FGF12: variants seen among roughly 807,000 people sequenced by gnomAD.
FGF12 encodes fibroblast growth factor 12B.
Under a neutral mutation model 23.6 loss-of-function variants are expected in FGF12, and 14 were observed. That is an observed-to-expected ratio of 0.59 (90% CI 0.39 to 0.93). The LOEUF (loss-of-function observed/expected upper bound fraction) is 0.93. Ranked by LOEUF, FGF12 falls within the 40% of genes least tolerant of loss-of-function variation. The probability of loss-of-function intolerance (pLI) is 0.00; values close to 1 mark genes in which losing one functional copy is unlikely to be tolerated. For synonymous variants in FGF12, 62 were observed against 77.3 expected (o/e 0.80, Z 1.04); for missense variants, 175 against 217.8 (o/e 0.80, Z 1.24).
At chr3:192,488,145 A>G (rs1723692870) in intron 2 of FGF12, among the ~76,000 whole-genome samples, 1 of 152,142 alleles carries the variant, frequency 6.6e-6, no homozygotes, top group South Asian at 2.1e-4. Context: ...TAAGCTATTT[A>G]TATTATGAAT....
chr3:192,431,466 T>G (rs1308149155), intron 2 of FGF12, among the ~76,000 whole-genome samples: 1 of 152,216 alleles, frequency 6.6e-6, no homozygotes, highest in Non-Finnish European at 1.5e-5. Context: ...TTCTTGTATT[T>G]CTATTGCCAA....
At chr3:192,269,349 C>G (rs1253199363) in intron 4 of FGF12, among the ~76,000 whole-genome samples, 2 of 152,160 alleles carry the variant, frequency 1.3e-5, no homozygotes, top group African/African-American at 4.8e-5. Flanking sequence ...AGCTTTTTAA[C>G]CTGCACTCAG....
Position 192,170,492 on chromosome 3 carries a change from C to A in FGF12, c.393G>T (p.Lys131Asn). 6.2e-7 allele frequency: 1 copy of A among 1,613,930 alleles called. No homozygotes were observed. Among genetic ancestry groups the A allele is most frequent in the Non-Finnish European group, 8.5e-7 (1 of 1,179,950 alleles). ...IMKGNRVKKT[K>N]PSSHFVPKPI... is the part of the protein sequence containing the mutation. ...GTTTCGGTACAAAATGTGATGAGGG[C>A]TTGGTTTTCTTCACTCTGTTCCCCT... is the stretch of plus-strand genomic sequence containing the variant. The change falls in exon 5 of 6, where the codon AAG becomes AAT. Residue 131 changes from lysine (K) to asparagine (N), a missense_variant. Coordinates refer to ENST00000445105, the MANE Select transcript of FGF12 (RefSeq NM_004113.6).
chr3:192,707,660 C>T (rs1004571739), intron 2 of FGF12, among the ~76,000 whole-genome samples: 22 of 136,550 alleles, frequency 1.6e-4, no homozygotes, highest in African/African-American at 4.2e-4. Context: ...GCAGGAGAAT[C>T]GCTTGAACTT....
chr3:192,332,083 C>G (rs1717154585), intron 4 of FGF12, among the ~76,000 whole-genome samples: 1 of 152,014 alleles, frequency 6.6e-6, no homozygotes, highest in African/African-American at 2.4e-5. Flanking sequence ...TAAAATTATT[C>G]AAAACATTCA....
At chr3:192,310,622 A>G (rs2108671638) in intron 4 of FGF12, among the ~76,000 whole-genome samples, 1 of 152,290 alleles carries the variant, frequency 6.6e-6, no homozygotes, top group South Asian at 2.1e-4. Context: ...AAAATATCTC[A>G]CAATACATGT....
intron 2 of FGF12, among the ~76,000 whole-genome samples, chr3:192,407,640 G>C (rs77739058): frequency 0.033 from 4,956 of 152,228 alleles, 268 homozygotes; most frequent in African/African-American, 0.11. Context: ...GTACTCTACA[G>C]ACGGATGGAT....
At chr3:192,357,933 T>C (rs1325146020) in intron 3 of FGF12, among the ~76,000 whole-genome samples, 1 of 152,102 alleles carries the variant, frequency 6.6e-6, no homozygotes, top group Non-Finnish European at 1.5e-5. Context: ...ACAATGATTA[T>C]ACACAAAAAG....
chr3:192,596,094 A>AAATAATAT (rs1713830373), intron 2 of FGF12, among the ~76,000 whole-genome samples: 1 of 99,478 alleles, frequency 1.0e-5, no homozygotes, highest in African/African-American at 3.8e-5. Flanking sequence ...CCTGACTCAA[A>AAATAATAT]AATATAATAT....
chr3:192,409,574 C>T lies in FGF12; in HGVS notation c.14-49036G>A, dbSNP rs1576960715. Among the ~76,000 whole-genome samples, 1 of 152,232 alleles carries T rather than the reference C, an allele frequency of 6.6e-6. No individual in the cohort carries two copies. The highest frequency in any genetic ancestry group is 1.5e-5 in the Non-Finnish European group (1 of 68,038). ...AGGCCGATCACTCAGTCCCGCGCCG[C>T]CCATCCCGGCCGAGGAAGGAAGTGA... On this transcript the variant is annotated intron_variant, in intron 2 of 5. Transcript: ENST00000445105. This position sits in a 1 kb window ranked among gnomAD's most constrained non-coding sequence, Gnocchi z 4.8.
chr3:192,452,094 G>A (rs906201405), intron 2 of FGF12, among the ~76,000 whole-genome samples: 1 of 152,090 alleles, frequency 6.6e-6, no homozygotes, highest in African/African-American at 2.4e-5. Context: ...TAGCAGAAAA[G>A]CATCGATATT....
chr3:192,393,895 C>T (rs1399607816), intron 2 of FGF12, among the ~76,000 whole-genome samples: 1 of 152,066 alleles, frequency 6.6e-6, no homozygotes, highest in Non-Finnish European at 1.5e-5. Context: ...TTGATGAAGT[C>T]CTGGTGGAAA....
chr3:192,667,479 G>A (rs969823235), intron 2 of FGF12, among the ~76,000 whole-genome samples: 11 of 151,644 alleles, frequency 7.3e-5, no homozygotes, highest in African/African-American at 2.4e-4. Context: ...GCTTGGTGGC[G>A]TGTACCTGTA....
At chr3:192,259,493 A>G (rs1712606933) in intron 4 of FGF12, among the ~76,000 whole-genome samples, 1 of 152,174 alleles carries the variant, frequency 6.6e-6, no homozygotes, top group Non-Finnish European at 1.5e-5. Flanking sequence ...ATTAGATTGG[A>G]ACAAGGAAAG....
chr3:192,455,266 C>T (rs772530873), intron 2 of FGF12, among the ~76,000 whole-genome samples: 1 of 152,196 alleles, frequency 6.6e-6, no homozygotes, highest in Admixed American at 6.5e-5. Flanking sequence ...GGATCAAAAG[C>T]TCTCTGAGCC....
At chr3:192,485,885 C>G (rs1330366773) in intron 2 of FGF12, among the ~76,000 whole-genome samples, 1 of 152,072 alleles carries the variant, frequency 6.6e-6, no homozygotes, top group African/African-American at 2.4e-5. Context: ...TGAATTGTCT[C>G]TGTATAGACT....
intron 4 of FGF12, among the ~76,000 whole-genome samples, chr3:192,250,008 C>T (rs1018043996): frequency 2.0e-5 from 3 of 152,136 alleles, no homozygotes; most frequent in African/African-American, 7.2e-5. Context: ...GAAGCCATTG[C>T]TCTGATATTT....
intron 2 of FGF12, among the ~76,000 whole-genome samples, chr3:192,468,748 C>A (rs1311757774): frequency 6.7e-6 from 1 of 149,992 alleles, no homozygotes. Flanking sequence ...AGACTCCGAG[C>A]CTCTACAAAT....
intron 4 of FGF12, among the ~76,000 whole-genome samples, chr3:192,311,128 A>T (rs1182777725): frequency 6.6e-6 from 1 of 152,180 alleles, no homozygotes; most frequent in African/African-American, 2.4e-5. Flanking sequence ...TATCTTTCTA[A>T]ATAACAGAAC....
Sources: allele counts gnomAD v4.1 joint callset (sites outside exome capture counted in the v4.1 genomes callset), GRCh38; gene constraint gnomAD v4.1.1; non-coding constraint Gnocchi (gnomAD v3.1); transcripts MANE v1.5; gene names NCBI Gene and HGNC (gene_info 2026-07-23, HGNC 2026-07-21).